The following ZNF385D variants were observed in gnomAD, a reference collection of about 807,000 sequenced individuals.
ZNF385D encodes the protein zinc finger protein 659.
ZNF385D carries 15 observed loss-of-function variants against 35.8 expected under a neutral mutation model. The ratio of observed to expected loss-of-function variants is 0.42; its 90% confidence interval spans 0.28 to 0.64. The LOEUF is 0.64. Ranked by LOEUF, ZNF385D falls within the 30% of genes least tolerant of loss-of-function variation. ZNF385D has a pLI of 0.23. For missense variants in ZNF385D, 474 were observed against 494.6 expected (o/e 0.96, Z 0.39); for synonymous variants, 212 against 186.8 (o/e 1.13, Z -1.10).
intron 3 of ZNF385D, among the ~76,000 whole-genome samples, chr3:21,816,642 T>G (rs895862444): frequency 1.3e-5 from 2 of 152,098 alleles, no homozygotes; most frequent in Non-Finnish European, 2.9e-5. Context: ...GTGAAGGACC[T>G]CTTCAAGGAG....
At chr3:22,300,182 G>A (rs1702821032) in intron 2 of ZNF385D, among the ~76,000 whole-genome samples, 1 of 151,916 alleles carries the variant, frequency 6.6e-6, no homozygotes, top group Non-Finnish European at 1.5e-5. Context: ...TTGACAAAAT[G>A]TACCAAGAAT....
At chr3:21,710,048 A>C (rs890748904) in intron 1 of ZNF385D, among the ~76,000 whole-genome samples, 2 of 152,224 alleles carry the variant, frequency 1.3e-5, no homozygotes, top group Non-Finnish European at 2.9e-5. Context: ...AAAAGACTAC[A>C]TACTCTATCA....
chr3:21,926,559 A>T (rs933065603), intron 3 of ZNF385D, among the ~76,000 whole-genome samples: 12 of 152,100 alleles, frequency 7.9e-5, no homozygotes, highest in Non-Finnish European at 1.5e-4. Context: ...GTTGGTTCCA[A>T]GTCTTTGCTA....
chr3:22,112,983 CAACT>C (rs1329696433), intron 3 of ZNF385D, among the ~76,000 whole-genome samples: 11 of 152,160 alleles, frequency 7.2e-5, no homozygotes, highest in Admixed American at 7.2e-4. Flanking sequence ...GTCTCTTCTT[CAACT>C]AACTAGCTGT....
chr3:21,815,754 A>T (rs551479852), intron 3 of ZNF385D, among the ~76,000 whole-genome samples: 3 of 152,342 alleles, frequency 2.0e-5, no homozygotes, highest in Admixed American at 2.0e-4. Context: ...CAGAGGTACA[A>T]AGCGGAGCTG....
chr3:21,649,812 G>A (rs1020208543), intron 2 of ZNF385D, among the ~76,000 whole-genome samples: 1 of 152,140 alleles, frequency 6.6e-6, no homozygotes, highest in African/African-American at 2.4e-5. Flanking sequence ...TGCCAAATTA[G>A]TAGTACTGAA....
At chr3:21,632,617 C>A (rs1824215) in intron 2 of ZNF385D, among the ~76,000 whole-genome samples, 89,155 of 151,912 alleles carry the variant, frequency 0.59, 26,576 homozygotes, top group Non-Finnish European at 0.63. Flanking sequence ...AATAATGCAC[C>A]ATACAAATTG....
In ZNF385D at chr3:21,853,216, G is replaced by A. The variant is rs9872177; in HGVS notation, c.326-188188C>T. 4.5e-3 allele frequency among the ~76,000 whole-genome samples: 687 copies of A among 151,874 alleles called. 6 individuals are homozygous for A. Among genetic ancestry groups the A allele is most frequent in the African/African-American group, 0.015 (635 of 41,514 alleles). ...GTTATATATTCTTACCTACTTAAGA[G>A]AATAAAGATTTTCTTATTGTTGGCA... On this transcript the variant is annotated intron_variant, in intron 3 of 5. Transcript: ENST00000494108.
At chr3:22,184,566 C>A (rs1165518900) in intron 2 of ZNF385D, among the ~76,000 whole-genome samples, 1 of 152,116 alleles carries the variant, frequency 6.6e-6, no homozygotes. Flanking sequence ...TGGCTCATGC[C>A]TGTAATCCCA....
chr3:22,367,016 C>G (rs1696687257), intron 2 of ZNF385D, among the ~76,000 whole-genome samples: 1 of 152,128 alleles, frequency 6.6e-6, no homozygotes, highest in Non-Finnish European at 1.5e-5. Context: ...GCCAGTGATA[C>G]TAATTTCAAA....
At chr3:21,470,706 ACTTC>A (rs1488831510) in intron 4 of ZNF385D, among the ~76,000 whole-genome samples, 1 of 151,972 alleles carries the variant, frequency 6.6e-6, no homozygotes, top group Non-Finnish European at 1.5e-5. Context: ...CCACAGGAAA[ACTTC>A]CTTCAGGCAG....
rs1203383131 is a variant in ZNF385D, at chr3:21,983,252, G to A, written c.325+185565C>T. On this transcript the variant is annotated intron_variant, in intron 3 of 5. Coordinates refer to the ZNF385D transcript ENST00000494108. Reference sequence around the variant, plus strand: ...ATATGTATACATGTGCCATGCTGGTGCGCTGCACCCACTAACTCGTCATCT... The same window carrying A: ...ATATGTATACATGTGCCATGCTGGTACGCTGCACCCACTAACTCGTCATCT... Among the ~76,000 whole-genome samples the A allele has an allele frequency of 6.3e-5, 9 of 142,628 alleles. No homozygotes were observed. In the South Asian group the frequency reaches 1.9e-3, roughly 30 times the overall value. 93.6% of individuals were successfully genotyped at this position (142,628 alleles called of 152,430 possible).
intron 3 of ZNF385D, among the ~76,000 whole-genome samples, chr3:21,926,133 T>G (rs532379381): frequency 8.7e-4 from 124 of 143,310 alleles, no homozygotes; most frequent in African/African-American, 2.9e-3. Context: ...ATATTTGCCC[T>G]CTCCAATTTT....
At chr3:22,355,966 G>A (rs1188691929) in intron 2 of ZNF385D, among the ~76,000 whole-genome samples, 1 of 152,044 alleles carries the variant, frequency 6.6e-6, no homozygotes, top group Non-Finnish European at 1.5e-5. Flanking sequence ...GTGTTATCTT[G>A]TAAGTAGCAT....
At chr3:22,068,765 G>C (rs761762603) in intron 3 of ZNF385D, among the ~76,000 whole-genome samples, 1 of 152,160 alleles carries the variant, frequency 6.6e-6, no homozygotes. Context: ...TTCTACAGCT[G>C]ACACGTGAAG....
intron 2 of ZNF385D, among the ~76,000 whole-genome samples, chr3:22,247,673 A>G (rs1469976826): frequency 6.6e-6 from 1 of 150,964 alleles, no homozygotes; most frequent in African/African-American, 2.5e-5. Context: ...TCTGTCACCC[A>G]GTCTGGAATG....
rs926140719 is a variant in ZNF385D, at chr3:21,784,455, C to T, written c.326-119427G>A. 4.6e-5 allele frequency among the ~76,000 whole-genome samples: 7 copies of T among 151,840 alleles called. No individual in the cohort carries two copies. The South Asian group carries it at 6.2e-4, about 14-fold the overall frequency. ...TATATAGATTTCAGATAAATGGAAGCGATAAAGAAATTCAAATAGTCTACT... is the reference window on the plus strand; with the variant it reads ...TATATAGATTTCAGATAAATGGAAGTGATAAAGAAATTCAAATAGTCTACT... On this transcript the variant is annotated intron_variant, in intron 3 of 5. Transcript: ENST00000494108.
At chr3:21,907,821 C>T (rs1028991280) in intron 3 of ZNF385D, among the ~76,000 whole-genome samples, 2 of 152,066 alleles carry the variant, frequency 1.3e-5, no homozygotes, top group Non-Finnish European at 2.9e-5. Flanking sequence ...ACTGCACCCT[C>T]CAGATTAAGC....
chr3:21,479,323 A>G (rs1238503235), intron 4 of ZNF385D, among the ~76,000 whole-genome samples: 1 of 152,036 alleles, frequency 6.6e-6, no homozygotes, highest in Non-Finnish European at 1.5e-5. Flanking sequence ...GAACTGATCC[A>G]TAATTTAGCA....
Sources: gnomAD v4.1 joint callset for allele counts (sites outside exome capture counted in the v4.1 genomes callset) on GRCh38, gnomAD v4.1.1 for gene constraint, MANE v1.5 for transcripts, NCBI Gene and HGNC (gene_info 2026-07-23, HGNC 2026-07-21) for gene names.